Variants in GPRASP3 observed in about 807,000 individuals in gnomAD.
GPRASP3 encodes G protein-coupled receptor associated sorting protein family member 3, also known as G protein-coupled receptor associated sorting protein 3.
the GPRASP3 span, among the ~76,000 whole-genome samples, chrX:102,736,198 A>G: frequency 8.9e-6 from 1 of 112,546 alleles, no homozygotes; most frequent in East Asian, 2.8e-4. Flanking sequence ...CCAAATGTCT[A>G]AATTTTTGAA....
chrX:102,746,722 T>G, the GPRASP3 span, among the ~76,000 whole-genome samples: 3 of 112,953 alleles, frequency 2.7e-5, no homozygotes, highest in Admixed American at 1.9e-4. Context: ...GTGATAGGTC[T>G]GTTGGGTTCT....
chrX:102,735,166 G>A, the GPRASP3 span, among the ~76,000 whole-genome samples: 1 of 111,689 alleles, frequency 9.0e-6, no homozygotes, highest in African/African-American at 3.3e-5. Context: ...TTTCACCTTT[G>A]CATTAGTGTC....
the GPRASP3 span, chrX:102,749,602 T>C: frequency 8.3e-7 from 1 of 1,211,626 alleles, no homozygotes; most frequent in Non-Finnish European, 1.1e-6. Flanking sequence ...TCAGCCTGTG[T>C]ATGAAATTAA....
the GPRASP3 span, among the ~76,000 whole-genome samples, chrX:102,731,654 A>G: frequency 9.0e-6 from 1 of 110,870 alleles, no homozygotes; most frequent in East Asian, 2.9e-4. Context: ...AGGCTTCAGA[A>G]CAGGAGAGAA....
chrX:102,740,184 A>G, the GPRASP3 span, among the ~76,000 whole-genome samples: 2 of 111,989 alleles, frequency 1.8e-5, no homozygotes, highest in Non-Finnish European at 3.8e-5. Flanking sequence ...CTTCTGACCT[A>G]CTTGGTGTGG....
At chrX:102,749,533 G>C in the GPRASP3 span, 1 of 1,210,145 alleles carries the variant, frequency 8.3e-7, no homozygotes, top group Non-Finnish European at 1.1e-6. Context: ...CTGGTTTTGG[G>C]AAGGAGATGA....
At chrX:102,750,641 A>ATGAGCC in the GPRASP3 span, 18 of 1,159,377 alleles carry the variant, frequency 1.6e-5, no homozygotes, top group Non-Finnish European at 2.1e-5. Context: ...ACAATGTAAA[A>ATGAGCC]TGAGCCAGAG....
the GPRASP3 span, chrX:102,749,071 G>A: frequency 8.2e-7 from 1 of 1,212,244 alleles, no homozygotes; most frequent in Non-Finnish European, 1.1e-6. Context: ...TAAAGCTGGA[G>A]CAGAGAGGGA....
At chrX:102,747,421 A>AC in the GPRASP3 span, among the ~76,000 whole-genome samples, 1 of 111,936 alleles carries the variant, frequency 8.9e-6, no homozygotes. Flanking sequence ...AAGCAGGCTG[A>AC]CATAGGTGGT....
chrX:102,727,243 A>T, the GPRASP3 span, among the ~76,000 whole-genome samples: 3 of 112,750 alleles, frequency 2.7e-5, no homozygotes, highest in Non-Finnish European at 5.6e-5. Context: ...TTCTTCTGCC[A>T]TTCACAATAT....
the GPRASP3 span, among the ~76,000 whole-genome samples, chrX:102,730,346 T>C: frequency 8.9e-6 from 1 of 112,032 alleles, no homozygotes; most frequent in Non-Finnish European, 1.9e-5. Context: ...CAGATGAAGA[T>C]TTACTGGCTA....
the GPRASP3 span, chrX:102,749,215 G>A: frequency 4.1e-6 from 5 of 1,210,154 alleles, no homozygotes; most frequent in Non-Finnish European, 5.6e-6. Flanking sequence ...GAAGGAAGGA[G>A]CTCTGTCAGA....
chrX:102,750,174 T>A, the GPRASP3 span: 2 of 1,207,448 alleles, frequency 1.7e-6, no homozygotes, highest in South Asian at 1.8e-5. Context: ...ATCCTCCTTC[T>A]GGGGATGAAA....
chrX:102,725,399 A>G, the GPRASP3 span, among the ~76,000 whole-genome samples: 1 of 112,089 alleles, frequency 8.9e-6, no homozygotes, highest in Non-Finnish European at 1.9e-5. Flanking sequence ...ATTTGGGCTC[A>G]GTTCAAATGC....
the GPRASP3 span, chrX:102,751,596 T>C: frequency 8.1e-6 from 1 of 123,058 alleles, no homozygotes; most frequent in Non-Finnish European, 1.9e-5. Flanking sequence ...CAGAGACTGG[T>C]TTGAATGGTT....
At chrX:102,731,709 C>T in the GPRASP3 span, among the ~76,000 whole-genome samples, 2 of 111,434 alleles carry the variant, frequency 1.8e-5, no homozygotes, top group African/African-American at 6.5e-5. Flanking sequence ...ACTTGAAGGA[C>T]AAGCACACTG....
At chrX:102,730,561 C>T in the GPRASP3 span, among the ~76,000 whole-genome samples, 3 of 112,352 alleles carry the variant, frequency 2.7e-5, no homozygotes, top group Non-Finnish European at 5.6e-5. Flanking sequence ...CATGGAATCA[C>T]AGAAACAGTC....
chrX:102,749,749 G>A, the GPRASP3 span: 1 of 1,211,682 alleles, frequency 8.3e-7, no homozygotes, highest in Non-Finnish European at 1.1e-6. Context: ...TCTGGCCTCC[G>A]CTGAAGAAAA....
the GPRASP3 span, among the ~76,000 whole-genome samples, chrX:102,735,058 T>G: frequency 8.9e-6 from 1 of 112,372 alleles, no homozygotes; most frequent in African/African-American, 3.2e-5. Context: ...CCATAAGTCA[T>G]TCACTTAGCC....
Sources: allele counts gnomAD v4.1 joint callset (sites outside exome capture counted in the v4.1 genomes callset), GRCh38; gene constraint gnomAD v4.1.1; transcripts MANE v1.5; gene names NCBI Gene and HGNC (gene_info 2026-07-23, HGNC 2026-07-21).